PANK2: variants seen among roughly 807,000 people sequenced by gnomAD.
The protein encoded by PANK2 is pantothenate kinase 2, mitochondrial.
PANK2 carries 36 observed loss-of-function variants against 43.1 expected under a neutral mutation model. The observed-to-expected ratio is 0.84, with a 90% CI of 0.64 to 1.10. PANK2 has a LOEUF of 1.10. Ranked by LOEUF, PANK2 falls within the 50% of genes least tolerant of loss-of-function variation. The pLI is 0.00. For missense variants in PANK2, 576 were observed against 593.3 expected, an observed-to-expected ratio of 0.97 and a Z score of 0.30; for synonymous variants, 281 against 238.2, an observed-to-expected ratio of 1.18 and a Z score of -1.66.
intron 4 of PANK2, among the ~76,000 whole-genome samples, chr20:3,913,138 T>A (rs191777633): frequency 1.3e-5 from 2 of 152,176 alleles, no homozygotes; most frequent in African/African-American, 4.8e-5. Flanking sequence ...AGAAACCTTG[T>A]GTTCATTAGC....
chr20:3,913,857 C>T (rs545685165), intron 4 of PANK2, among the ~76,000 whole-genome samples: 28 of 149,566 alleles, frequency 1.9e-4, no homozygotes, highest in Middle Eastern at 3.6e-3. Flanking sequence ...GGCGTGATCT[C>T]GGCTCACTGC....
chr20:3,903,290 G>A (rs1026391833), intron 1 of PANK2, among the ~76,000 whole-genome samples: 2 of 151,558 alleles, frequency 1.3e-5, no homozygotes, highest in African/African-American at 4.8e-5. Context: ...TGGGATTACA[G>A]GCATGCACTG....
At chr20:3,903,014 CA>C (rs2090328076) in intron 1 of PANK2, among the ~76,000 whole-genome samples, 5 of 147,176 alleles carry the variant, frequency 3.4e-5, no homozygotes, top group Non-Finnish European at 6.0e-5. Flanking sequence ...CACACACACA[CA>C]CACCCCTTTT....
At position 3,889,729 on chromosome 20, in the gene PANK2, G is replaced by T; in HGVS notation, c.298+1G>T. 1.3e-6 allele frequency: 2 copies of T among 1,595,460 alleles called. No homozygotes were observed. The highest frequency in any genetic ancestry group is 1.7e-6 in the Non-Finnish European group (2 of 1,179,012). Reference sequence around the variant, plus strand: ...GAAAGCCTGAGGAAAAAGCGGCCGCGTAAGTGTTCCGTGGGGCGCCCTCCC... The same window carrying T: ...GAAAGCCTGAGGAAAAAGCGGCCGCTTAAGTGTTCCGTGGGGCGCCCTCCC... On this transcript the variant is annotated splice_donor_variant, in intron 1 of 6. Transcript: ENST00000610179. LOFTEE classifies it high-confidence loss of function.
intron 1 of PANK2, among the ~76,000 whole-genome samples, chr20:3,894,368 A>ATAGC (rs1210442915): frequency 7.0e-6 from 1 of 142,520 alleles, no homozygotes; most frequent in Non-Finnish European, 1.5e-5. Context: ...AGCCTCCCGA[A>ATAGC]TAGCTGGGAT....
intron 1 of PANK2, among the ~76,000 whole-genome samples, chr20:3,899,770 C>T (rs937885679): frequency 1.4e-5 from 2 of 139,384 alleles, no homozygotes; most frequent in Non-Finnish European, 3.0e-5. Flanking sequence ...TGCAGTGCTG[C>T]GATCTTGGCT....
chr20:3,889,202 C>T (rs759056729), upstream of PANK2: 1 of 1,612,544 alleles, frequency 6.2e-7, no homozygotes, highest in Non-Finnish European at 8.5e-7. Flanking sequence ...GAACCCGGAT[C>T]CCCTCCTCCA....
At chr20:3,913,935 C>T (rs974093213) in intron 4 of PANK2, among the ~76,000 whole-genome samples, 1 of 150,668 alleles carries the variant, frequency 6.6e-6, no homozygotes, top group Non-Finnish European at 1.5e-5. Context: ...ACTACAGGTG[C>T]CTGCCACCAC....
chr20:3,925,459 C>G lies in PANK2; in HGVS notation c.*2165C>G, dbSNP rs2090706499. 6.6e-6 allele frequency: 1 copy of G among 152,420 alleles called. No homozygotes were observed. The highest frequency in any genetic ancestry group is 1.5e-5 in the Non-Finnish European group (1 of 68,216). 9.4% of individuals were successfully genotyped at this position (152,420 alleles called of 1,614,324 possible). ...ATGATGGCCAGGCTGGTCTCGAACT[C>G]CAGACCCCAGGTGATCCGCCTGCCT... On this transcript the variant is annotated 3_prime_UTR_variant, in exon 7 of 7. Transcript: ENST00000610179.
intron 1 of PANK2, among the ~76,000 whole-genome samples, chr20:3,899,067 G>T (rs1277267806): frequency 1.3e-5 from 2 of 151,746 alleles, no homozygotes; most frequent in Admixed American, 6.6e-5. Context: ...GTAGAGACGG[G>T]GTTTCACCAT....
In PANK2 at chr20:3,896,433, G is replaced by A. The variant is rs144418055; in HGVS notation, c.298+6705G>A. Among the ~76,000 whole-genome samples the A allele has an allele frequency of 3.8e-3, 583 of 151,978 alleles. 7 individuals carry two copies. The highest frequency in any genetic ancestry group is 0.014 in the African/African-American group (561 of 41,428). On this transcript the variant is annotated intron_variant, in intron 1 of 6. Coordinates refer to ENST00000610179, the MANE Select transcript of PANK2 (RefSeq NM_001386393.1). ...GTGATGTTGTGAAATATATATATTGGTCTTTTGCCCATTTCCTGGCATACA... is the reference window on the plus strand; with the variant it reads ...GTGATGTTGTGAAATATATATATTGATCTTTTGCCCATTTCCTGGCATACA...
At chr20:3,904,680 C>T (rs4815626) in intron 1 of PANK2, among the ~76,000 whole-genome samples, 64,562 of 151,994 alleles carry the variant, frequency 0.42, 14,420 homozygotes, top group South Asian at 0.53. Flanking sequence ...TTTGCAGCCA[C>T]ACACATCTGG....
chr20:3,928,243 AT>A lies in PANK2; in HGVS notation c.*4955del, dbSNP rs988103537. 6.6e-6 allele frequency: 1 copy of A among 152,084 alleles called. No individual in the cohort carries two copies. The highest frequency in any genetic ancestry group is 1.5e-5 in the Non-Finnish European group (1 of 68,056). 9.4% of individuals were successfully genotyped at this position (152,084 alleles called of 1,614,324 possible). A position where few individuals can be genotyped will look rare whatever the true frequency, so the allele number is the denominator to read the frequency against. The stretch of plus-strand genomic sequence containing the variant: ...GCCAGAAGAGTGGATGTGATAGAGA[AT>A]TTTTTCTCAAGTTTTGGGTTAGGGC... On this transcript the variant is annotated 3_prime_UTR_variant, in exon 7 of 7. Coordinates refer to ENST00000610179, the MANE Select transcript of PANK2 (RefSeq NM_001386393.1).
At chr20:3,908,794 TGA>T in intron 2 of PANK2, 1 of 200,276 alleles carries the variant, frequency 5.0e-6, no homozygotes, top group Non-Finnish European at 1.0e-5. Context: ...GAATGCTTTC[TGA>T]TGTGTTCTGT....
chr20:3,889,317 C>G, upstream of PANK2: 1 of 1,593,724 alleles, frequency 6.3e-7, no homozygotes, highest in Non-Finnish European at 8.5e-7. Context: ...TGGGCCGTCC[C>G]CAGCCTCGTC....
chr20:3,904,146 C>G (rs1416905533), intron 1 of PANK2, among the ~76,000 whole-genome samples: 1 of 151,858 alleles, frequency 6.6e-6, no homozygotes, highest in East Asian at 1.9e-4. Context: ...AGTATGTAGC[C>G]TTTTGTGCAA....
rs937161200 is a variant in PANK2 at position 3,927,214 on chromosome 20, T to C, written c.*3920T>C. The C allele has an allele frequency of 3.9e-5, 6 of 152,216 alleles. No individual in the cohort carries two copies. Among genetic ancestry groups the C allele is most frequent in the Non-Finnish European group, 8.8e-5 (6 of 68,070 alleles). 9.4% of individuals were successfully genotyped at this position (152,216 alleles called of 1,614,324 possible). On this transcript the variant is annotated 3_prime_UTR_variant, in exon 7 of 7. Transcript: ENST00000610179. ...ACTCAGTACTAGTTACCAGCTCTGA[T>C]AGAATTACTCACCTTGAGTTTCCAA... is the stretch of plus-strand genomic sequence containing the variant.
rs1286371793 is a variant in PANK2 at position 3,912,406 on chromosome 20, G to A, written c.906-52G>A. On this transcript the variant is annotated intron_variant, in intron 3 of 6. Coordinates refer to ENST00000610179, the MANE Select transcript of PANK2 (RefSeq NM_001386393.1). Reference sequence around the variant, plus strand: ...TGGGGTTCATAAATGTTAACTTCTTGTTCTTATTTTTAAAAATGTTATAAT... The same window carrying A: ...TGGGGTTCATAAATGTTAACTTCTTATTCTTATTTTTAAAAATGTTATAAT... The A allele has an allele frequency of 2.5e-6, 4 of 1,586,500 alleles. No individual in the cohort carries two copies. In the African/African-American group the frequency reaches 4.0e-5, roughly 16 times the overall value.
intron 1 of PANK2, 128 bp from the exon 2 acceptor site, chr20:3,907,798 C>T: frequency 1.3e-6 from 1 of 789,406 alleles, no homozygotes; most frequent in Non-Finnish European, 2.1e-6. Flanking sequence ...TTTCTTTGCC[C>T]CAAAACCCTT....
Sources: gnomAD v4.1 joint callset for allele counts (sites outside exome capture counted in the v4.1 genomes callset) on GRCh38, gnomAD v4.1.1 for gene constraint, MANE v1.5 for transcripts, NCBI Gene and HGNC (gene_info 2026-07-23, HGNC 2026-07-21) for gene names.